Variants in SASH1 observed in about 807,000 individuals in gnomAD.
SASH1 encodes SAM and SH3 domain-containing protein 1.
In SASH1, 44 loss-of-function variants were observed where a neutral mutation model predicts 125.2. The ratio of observed to expected loss-of-function variants is 0.35; its 90% CI spans 0.28 to 0.45. The LOEUF (loss-of-function observed/expected upper bound fraction) is 0.45. Among genes scored for constraint, SASH1 ranks in the 20% least tolerant of loss-of-function variants. SASH1 has a pLI of 1.00. For missense variants in SASH1, 1,426 were observed against 1,614.5 expected (o/e 0.88, Z 2.00); for synonymous variants, 639 against 649.1 (o/e 0.98, Z 0.24).
rs1782767144 is a variant in SASH1 at position 148,549,426 on chromosome 6, T to C, written c.*868T>C. The C allele has an allele frequency of 5.1e-6, 2 of 392,036 alleles. No individual in the cohort carries two copies. The highest frequency in any genetic ancestry group is 9.0e-6 in the Non-Finnish European group (2 of 222,814). The allele number at this position is 392,036 out of a possible 1,614,324, so 24.3% of individuals were successfully genotyped here. On this transcript the variant is annotated 3_prime_UTR_variant, in exon 20 of 20. Coordinates refer to ENST00000367467, the MANE Select transcript of SASH1 (RefSeq NM_015278.5). ...ATGTGTGTGCGTGCGTGCGTGCGCG[T>C]GTGTGTCTGTATTCATAGTGACTGC... is the stretch of plus-strand genomic sequence containing the variant.
At chr6:148,385,040 A>C (rs144801040) in intron 1 of SASH1, among the ~76,000 whole-genome samples, 1 of 152,188 alleles carries the variant, frequency 6.6e-6, no homozygotes, top group African/African-American at 2.4e-5. Context: ...ACACACATAT[A>C]CATTCTTCTA....
chr6:148,387,578 T>C (rs28883595), intron 1 of SASH1, among the ~76,000 whole-genome samples: 1 of 5,526 alleles, frequency 1.8e-4, no homozygotes, highest in African/African-American at 1.1e-3. Flanking sequence ...CTTTCTTTCT[T>C]TCTTTCTTTC....
chr6:148,417,992 A>G (rs1784898130), intron 2 of SASH1, among the ~76,000 whole-genome samples: 1 of 152,190 alleles, frequency 6.6e-6, no homozygotes, highest in African/African-American at 2.4e-5. Flanking sequence ...TACTCAATTT[A>G]TAGGTGGAGA....
Position 148,468,443 on chromosome 6 carries a change from G to A in SASH1, c.387-102G>A, listed in dbSNP as rs74889755. The A allele has an allele frequency of 1.0e-3, 844 of 821,608 alleles. 4 individuals carry two copies. The African/African-American group carries it at 0.013, about 13-fold the overall frequency. The allele number at this position is 821,608 out of a possible 1,614,324, so 50.9% of individuals were successfully genotyped here. ...ATAGCCTATAACAATTTCCCTGGCT[G>A]TATTAAGTAGTATTGATGCTGGGTC... is the stretch of plus-strand genomic sequence containing the variant. On this transcript the variant is annotated intron_variant, in intron 4 of 19. Coordinates refer to ENST00000367467, the MANE Select transcript of SASH1 (RefSeq NM_015278.5).
intron 7 of SASH1, among the ~76,000 whole-genome samples, chr6:148,477,747 G>T (rs1428325105): frequency 1.5e-5 from 2 of 136,362 alleles, no homozygotes; most frequent in African/African-American, 5.9e-5. Flanking sequence ...GCCCAGGTTG[G>T]AGTGCAATGG....
chr6:148,253,647 T>C, the SASH1 span, among the ~76,000 whole-genome samples: 1 of 151,812 alleles, frequency 6.6e-6, no homozygotes, highest in East Asian at 1.9e-4. Context: ...CCAAGGAGGG[T>C]GGATCACAAG....
intron 7 of SASH1, among the ~76,000 whole-genome samples, chr6:148,474,726 C>G (rs1267962314): frequency 6.6e-6 from 1 of 152,056 alleles, no homozygotes; most frequent in East Asian, 1.9e-4. Context: ...TGTGTGACAC[C>G]ACACCTACCT....
the SASH1 span, among the ~76,000 whole-genome samples, chr6:148,239,777 CTTCT>C: frequency 6.6e-6 from 1 of 151,184 alleles, no homozygotes; most frequent in Non-Finnish European, 1.5e-5. Context: ...TATAATAGTG[CTTCT>C]TTTTTATTTC....
chr6:148,540,781 A>C (rs1782170599), intron 17 of SASH1, among the ~76,000 whole-genome samples: 1 of 152,090 alleles, frequency 6.6e-6, no homozygotes, highest in Non-Finnish European at 1.5e-5. Context: ...TAAAACCTAA[A>C]TTGTGTGTCT....
At chr6:148,282,581 T>G (rs569963065) in intron 1 of SASH1, among the ~76,000 whole-genome samples, 2 of 152,002 alleles carry the variant, frequency 1.3e-5, no homozygotes, top group Non-Finnish European at 2.9e-5. Flanking sequence ...GGGGTTTCAC[T>G]GTGTTGGCCA....
intron 7 of SASH1, among the ~76,000 whole-genome samples, chr6:148,482,688 A>T (rs1425166270): frequency 3.0e-5 from 3 of 99,924 alleles, no homozygotes; most frequent in Non-Finnish European, 3.8e-5. Context: ...CACCTGGCTA[A>T]TTTTTTTTTT....
intron 8 of SASH1, among the ~76,000 whole-genome samples, chr6:148,503,752 C>G (rs1454002418): frequency 8.5e-6 from 1 of 116,986 alleles, no homozygotes; most frequent in East Asian, 3.0e-4. Context: ...AAAGATAACC[C>G]TTTCTTGTAA....
the SASH1 span, among the ~76,000 whole-genome samples, chr6:148,234,350 A>G: frequency 6.6e-6 from 1 of 151,744 alleles, no homozygotes; most frequent in Admixed American, 6.6e-5. Context: ...AGTTGATTCA[A>G]GTGTTAAGTT....
chr6:148,502,669 G>C (rs1779607072), intron 8 of SASH1, among the ~76,000 whole-genome samples: 2 of 150,962 alleles, frequency 1.3e-5, no homozygotes. Flanking sequence ...CTGTTGACTG[G>C]TGTCACATGC....
At chr6:148,381,546 A>G (rs1351911602) in intron 1 of SASH1, among the ~76,000 whole-genome samples, 1 of 151,678 alleles carries the variant, frequency 6.6e-6, no homozygotes, top group African/African-American at 2.4e-5. Context: ...GTGGGGTTCT[A>G]AAATAGAGAC....
At chr6:148,374,760 C>T (rs1285789399) in intron 1 of SASH1, among the ~76,000 whole-genome samples, 1 of 151,774 alleles carries the variant, frequency 6.6e-6, no homozygotes, top group Non-Finnish European at 1.5e-5. Flanking sequence ...TGCAGTGGTG[C>T]GATCTCAGCT....
chr6:148,358,460 G>A, intron 1 of SASH1, among the ~76,000 whole-genome samples: 1 of 152,162 alleles, frequency 6.6e-6, no homozygotes, highest in East Asian at 1.9e-4. Context: ...AAATGAATGA[G>A]GGGAGGGAAT....
chr6:148,527,257 A>T, intron 11 of SASH1, 196 bp from the exon 12 acceptor site: 1 of 494,056 alleles, frequency 2.0e-6, no homozygotes. Context: ...ATCCCACTTT[A>T]AGCAAACAAA....
the SASH1 span, among the ~76,000 whole-genome samples, chr6:148,205,679 A>G: frequency 2.0e-5 from 3 of 152,188 alleles, no homozygotes; most frequent in Middle Eastern, 3.4e-3. Context: ...CCACTCCCCA[A>G]TCAATTCTGA....
Sources: gnomAD v4.1 joint callset for allele counts (sites outside exome capture counted in the v4.1 genomes callset) on GRCh38, gnomAD v4.1.1 for gene constraint, MANE v1.5 for transcripts, NCBI Gene and HGNC (gene_info 2026-07-23, HGNC 2026-07-21) for gene names.